PPP2R1B: variants seen among roughly 807,000 people sequenced by gnomAD.
PPP2R1B encodes serine/threonine-protein phosphatase 2A 65 kDa regulatory subunit A beta isoform.
PPP2R1B carries 58 observed loss-of-function variants against 72.7 expected under a neutral mutation model. That is an observed-to-expected ratio of 0.80 (90% CI 0.65 to 0.99). The LOEUF is 0.99. Among genes scored for constraint, PPP2R1B ranks in the 50% least tolerant of loss-of-function variants. PPP2R1B has a pLI of 0.00. For synonymous variants in PPP2R1B, 256 were observed against 264.6 expected, an observed-to-expected ratio of 0.97 and a Z score of 0.32; for missense variants, 695 against 733.6, an observed-to-expected ratio of 0.95 and a Z score of 0.61.
the PPP2R1B span, among the ~76,000 whole-genome samples, chr11:111,721,498 A>G: frequency 1.3e-5 from 2 of 152,166 alleles, no homozygotes; most frequent in Non-Finnish European, 2.9e-5. Context: ...TACAATAAAT[A>G]CTGCTACTTA....
rs770037862 is a variant in PPP2R1B at position 111,726,995 on chromosome 11, C to T, written c.1974G>A (p.Glu658=). 10 of 1,614,014 alleles carry T rather than the reference C, an allele frequency of 6.2e-6. No individual in the cohort carries two copies. The Admixed American group carries it at 1.0e-4, about 16-fold the overall frequency. ...CTGTGCTTTGGGAGAAATGCACTAG[C>T]TCTGCAATTCCCAGCTGGGCAAGTG... Residue 658 remains glutamate, a synonymous_variant, in exon 16 of 16, where the codon GAG becomes GAA. Coordinates refer to the PPP2R1B transcript ENST00000311129.
At chr11:111,760,562 T>C (rs1945286513) in intron 4 of PPP2R1B, among the ~76,000 whole-genome samples, 1 of 151,750 alleles carries the variant, frequency 6.6e-6, no homozygotes, top group South Asian at 2.1e-4. Flanking sequence ...GGCTGGAGGA[T>C]CACTTAAGCA....
chr11:111,755,424 T>G lies in PPP2R1B; in HGVS notation c.714A>C (p.Glu238Asp). 6.2e-7 allele frequency: 1 copy of G among 1,609,248 alleles called. No individual in the cohort carries two copies. Among genetic ancestry groups the G allele is most frequent in the South Asian group, 1.1e-5 (1 of 89,682 alleles). Reference protein sequence around the residue: ...EQDSVRLLAVEACVSIAQLLS... With the variant: ...EQDSVRLLAVDACVSIAQLLS... ...ATAACTGGGCAATACTGACACAAGC[T>G]TCCACAGCAAGGAGGCGCACTGAAT... Residue 238 changes from glutamate to aspartate, a missense_variant, in exon 6 of 15, where the codon GAA becomes GAC. Transcript: ENST00000527614.
At chr11:111,727,792 C>T (rs572470604) in intron 15 of PPP2R1B, 1 of 152,502 alleles carries the variant, frequency 6.6e-6, no homozygotes, top group South Asian at 2.1e-4. Context: ...CCTGGAGTCA[C>T]AGTTGGTCCC....
chr11:111,726,890 T>TA, downstream of PPP2R1B: 2 of 1,408,468 alleles, frequency 1.4e-6, no homozygotes, highest in Non-Finnish European at 2.0e-6. Context: ...GAACGTGAGG[T>TA]AAAAATTTCG....
Position 111,766,328 on chromosome 11 carries a change from C to A in PPP2R1B, c.34G>T (p.Gly12Ter). The change falls in exon 1 of 15, where the codon GGA becomes TGA. Residue 12 changes from glycine to a stop codon, truncating the protein, a stop_gained. Transcript: ENST00000527614. LOFTEE classifies it high-confidence loss of function. ...TCATCTCCATCTCCACCCGCTGCTC[C>A]TGGGCCGGTCCCGAGCTCTGATGCG... ...AGASELGTGP[G>*]AAGGDGDDSL... The A allele has an allele frequency of 6.4e-7, 1 of 1,557,718 alleles. No individual in the cohort carries two copies. The highest frequency in any genetic ancestry group is 8.7e-7 in the Non-Finnish European group (1 of 1,155,178).
intron 3 of PPP2R1B, among the ~76,000 whole-genome samples, chr11:111,761,906 G>A (rs1312269811): frequency 6.6e-6 from 1 of 152,184 alleles, no homozygotes; most frequent in African/African-American, 2.4e-5. Context: ...GTTGCAGTGA[G>A]CCGAGATTGT....
At chr11:111,742,329 T>C (rs1208847131) in intron 13 of PPP2R1B, 185 bp from the exon 14 acceptor site, 2 of 762,164 alleles carry the variant, frequency 2.6e-6, no homozygotes, top group Admixed American at 3.0e-5. Context: ...GACAAGGATC[T>C]ACACATTTAC....
chr11:111,710,566 C>T, the PPP2R1B span, among the ~76,000 whole-genome samples: 3 of 152,144 alleles, frequency 2.0e-5, no homozygotes, highest in African/African-American at 7.2e-5. Flanking sequence ...TATTTGAGAA[C>T]GAGACTGCAT....
intron 5 of PPP2R1B, among the ~76,000 whole-genome samples, chr11:111,757,132 A>C (rs1347095357): frequency 6.6e-6 from 1 of 151,690 alleles, no homozygotes; most frequent in African/African-American, 2.4e-5. Context: ...AAAAACACCG[A>C]AAAAAAAGAA....
exon 16 of PPP2R1B, chr11:111,727,049 C>T (rs1184159192): frequency 1.2e-6 from 2 of 1,613,974 alleles, no homozygotes; most frequent in South Asian, 1.1e-5. Context: ...GCAACTGATA[C>T]ACTGGTCCCT....
At chr11:111,712,104 T>C in the PPP2R1B span, 1 of 1,162,332 alleles carries the variant, frequency 8.6e-7, no homozygotes, top group East Asian at 2.4e-5. Context: ...TAAATAAATA[T>C]TCATTCTTTA....
the PPP2R1B span, among the ~76,000 whole-genome samples, chr11:111,717,362 T>C: frequency 7.3e-6 from 1 of 136,150 alleles, no homozygotes; most frequent in East Asian, 2.2e-4. Context: ...TGACTGATCA[T>C]TAGAGAAATG....
rs567706695 is a variant in PPP2R1B, at chr11:111,741,122, T to C, written c.*474A>G. 6 of 988,260 alleles carry C rather than the reference T, an allele frequency of 6.1e-6. 1 individual carries two copies. The South Asian group carries it at 2.8e-4, about 46-fold the overall frequency. The allele number at this position is 988,260 out of a possible 1,614,324, so 61.2% of individuals were successfully genotyped here. A position where few individuals can be genotyped will look rare whatever the true frequency, so the allele number is the denominator to read the frequency against. On this transcript the variant is annotated 3_prime_UTR_variant, in exon 15 of 15. Transcript: ENST00000527614. Reference sequence around the variant, plus strand: ...ATGTGGCTTTCATTACGGTCAAATCTCAACATGTCTCCCGAAGAGTTTATA... The same window carrying C: ...ATGTGGCTTTCATTACGGTCAAATCCCAACATGTCTCCCGAAGAGTTTATA...
Position 111,740,211 on chromosome 11 carries a change from A to G in PPP2R1B, c.*1385T>C, listed in dbSNP as rs183189992. Reference sequence around the variant, plus strand: ...GTCATGAGACAAGGTGAGTTTGATTATGTGAAAAATAGTTGTTTTTTTTTG... The same window carrying G: ...GTCATGAGACAAGGTGAGTTTGATTGTGTGAAAAATAGTTGTTTTTTTTTG... On this transcript the variant is annotated 3_prime_UTR_variant, in exon 15 of 15. Coordinates refer to ENST00000527614, the MANE Select transcript of PPP2R1B (RefSeq NM_002716.5). 1 of 985,252 alleles carries G rather than the reference A, an allele frequency of 1.0e-6. No individual in the cohort carries two copies. The highest frequency in any genetic ancestry group is 1.1e-4 in the East Asian group (1 of 8,812). 61.0% of individuals were successfully genotyped at this position (985,252 alleles called of 1,614,324 possible). A position where few individuals can be genotyped will look rare whatever the true frequency, so the allele number is the denominator to read the frequency against.
At chr11:111,721,597 A>T in the PPP2R1B span, among the ~76,000 whole-genome samples, 1 of 152,330 alleles carries the variant, frequency 6.6e-6, no homozygotes, top group African/African-American at 2.4e-5. Context: ...TGGTGACACC[A>T]AGAGTCTTTG....
At chr11:111,704,936 T>A in the PPP2R1B span, 2 of 1,498,772 alleles carry the variant, frequency 1.3e-6, no homozygotes, top group Non-Finnish European at 1.8e-6. Flanking sequence ...GTGTAGATCA[T>A]TGCATTGGTC....
chr11:111,692,693 C>T, the PPP2R1B span, among the ~76,000 whole-genome samples: 1 of 152,080 alleles, frequency 6.6e-6, no homozygotes, highest in Non-Finnish European at 1.5e-5. Flanking sequence ...TAAGGATCAT[C>T]TTCTTATCTC....
rs376189346 is a variant in PPP2R1B, at chr11:111,765,351, T to C, written c.148A>G (p.Ile50Val). The change falls in exon 2 of 15, where the codon ATT (isoleucine) becomes GTT (valine). Residue 50 changes from isoleucine to valine, a missense_variant. Physicochemically the swap from Ile to Val is conservative, Grantham distance 29 (BLOSUM62 3). Coordinates refer to ENST00000527614, the MANE Select transcript of PPP2R1B (RefSeq NM_002716.5). ...CTTTCTACTCCAAGTGCTAGGGCAA[T>C]TGTTGATAACTTCTTAATACTGTTG... ...RLNSIKKLST[I>V]ALALGVERTR... 6 of 1,613,742 alleles carry C rather than the reference T, an allele frequency of 3.7e-6. No homozygotes were observed. Among genetic ancestry groups the C allele is most frequent in the Non-Finnish European group, 4.2e-6 (5 of 1,179,662 alleles).
Sources: allele counts gnomAD v4.1 joint callset (sites outside exome capture counted in the v4.1 genomes callset), GRCh38; gene constraint gnomAD v4.1.1; transcripts MANE v1.5; gene names NCBI Gene and HGNC (gene_info 2026-07-23, HGNC 2026-07-21).